The following STXBP5L variants were observed in gnomAD, a reference collection of about 807,000 sequenced individuals.
STXBP5L encodes syntaxin-binding protein 5-like.
In STXBP5L, 65 loss-of-function variants were observed where a neutral mutation model predicts 144.5. The observed-to-expected ratio is 0.45, with a 90% CI of 0.37 to 0.55. The LOEUF is 0.55. STXBP5L is among the 20% of genes least tolerant of loss of function. The probability of loss-of-function intolerance (pLI) is 0.00; values close to 1 mark genes in which losing one functional copy is unlikely to be tolerated. For missense variants in STXBP5L, 1,298 were observed against 1,405.5 expected, an observed-to-expected ratio of 0.92 and a Z score of 1.22; for synonymous variants, 505 against 469.6, an observed-to-expected ratio of 1.08 and a Z score of -0.97.
chr3:121,008,632 C>CAGTG (rs1356967693), intron 3 of STXBP5L, among the ~76,000 whole-genome samples: 1 of 152,106 alleles, frequency 6.6e-6, no homozygotes, highest in East Asian at 1.9e-4. Context: ...TGGTTCCTTA[C>CAGTG]AATGGTTTAA....
intron 5 of STXBP5L, among the ~76,000 whole-genome samples, chr3:121,091,119 T>A: frequency 6.7e-6 from 1 of 149,570 alleles, no homozygotes; most frequent in East Asian, 1.9e-4. Flanking sequence ...CATCATTTTT[T>A]ATGGCTGCAT....
At chr3:121,222,753 C>T (rs942877007) in intron 10 of STXBP5L, among the ~76,000 whole-genome samples, 3 of 152,152 alleles carry the variant, frequency 2.0e-5, no homozygotes, top group African/African-American at 7.2e-5. Flanking sequence ...AAGCTCACTG[C>T]CTTTCCCCAA....
intron 6 of STXBP5L, among the ~76,000 whole-genome samples, chr3:121,119,004 G>T (rs988213329): frequency 6.6e-6 from 1 of 151,436 alleles, no homozygotes; most frequent in East Asian, 1.9e-4. Context: ...AGAATTTACT[G>T]GGTTGTTAAA....
intron 3 of STXBP5L, among the ~76,000 whole-genome samples, chr3:120,985,064 G>A (rs1005444509): frequency 2.6e-5 from 4 of 151,934 alleles, no homozygotes; most frequent in African/African-American, 9.7e-5. Context: ...TGGTTTGCTA[G>A]TATTTTTCTG....
At chr3:121,161,673 T>A (rs73191417) in intron 9 of STXBP5L, among the ~76,000 whole-genome samples, 3 of 152,086 alleles carry the variant, frequency 2.0e-5, no homozygotes, top group Non-Finnish European at 4.4e-5. Flanking sequence ...CGATTTTTCC[T>A]ATTCAATGAT....
chr3:121,376,023 C>A (rs2046173342), intron 20 of STXBP5L, among the ~76,000 whole-genome samples: 1 of 152,172 alleles, frequency 6.6e-6, no homozygotes, highest in Non-Finnish European at 1.5e-5. Flanking sequence ...CTCACAAGGT[C>A]TAAATAAACA....
At chr3:121,291,960 A>G (rs1168684690) in intron 19 of STXBP5L, among the ~76,000 whole-genome samples, 1 of 152,246 alleles carries the variant, frequency 6.6e-6, no homozygotes, top group Non-Finnish European at 1.5e-5. Flanking sequence ...TTCTGAAGAT[A>G]ACATTGGAAA....
At chr3:121,018,165 A>G (rs1424869529) in intron 3 of STXBP5L, among the ~76,000 whole-genome samples, 1 of 152,210 alleles carries the variant, frequency 6.6e-6, no homozygotes, top group Non-Finnish European at 1.5e-5. Context: ...GTTCTTTCCA[A>G]CTTGATCTAT....
chr3:121,328,388 A>C (rs918297173), intron 20 of STXBP5L, among the ~76,000 whole-genome samples: 2 of 152,194 alleles, frequency 1.3e-5, no homozygotes, highest in Non-Finnish European at 2.9e-5. Flanking sequence ...TCTGAAATTA[A>C]GTAACTATTA....
At chr3:121,054,364 G>A (rs1250040450) in intron 5 of STXBP5L, among the ~76,000 whole-genome samples, 1 of 152,072 alleles carries the variant, frequency 6.6e-6, no homozygotes, top group East Asian at 1.9e-4. Context: ...ACGATAGACT[G>A]GATGAAGAAA....
At chr3:120,943,529 T>C (rs1221979652) in intron 2 of STXBP5L, among the ~76,000 whole-genome samples, 3 of 151,790 alleles carry the variant, frequency 2.0e-5, no homozygotes, top group African/African-American at 4.8e-5. Flanking sequence ...TACTTACATT[T>C]GTGGAATAAA....
chr3:121,086,934 A>G (rs903584314), intron 5 of STXBP5L, among the ~76,000 whole-genome samples: 1 of 152,046 alleles, frequency 6.6e-6, no homozygotes, highest in African/African-American at 2.4e-5. Flanking sequence ...CCCATTGTTA[A>G]GTGATGCATG....
intron 9 of STXBP5L, among the ~76,000 whole-genome samples, chr3:121,192,604 G>C (rs1275968224): frequency 1.3e-5 from 2 of 152,110 alleles, no homozygotes; most frequent in Admixed American, 1.3e-4. Context: ...AAACAGCATG[G>C]TACTGGTACC....
At chr3:121,358,664 C>T (rs1399137466) in intron 20 of STXBP5L, among the ~76,000 whole-genome samples, 1 of 152,116 alleles carries the variant, frequency 6.6e-6, no homozygotes, top group Non-Finnish European at 1.5e-5. Flanking sequence ...CAGAGCCAAA[C>T]CATATAAGCA....
In STXBP5L at chr3:121,419,877, G is replaced by A. The variant is rs898389627; in HGVS notation, c.*780G>A. ...CCATGCAGGGTTGGGTCACCTCAAAGCATTTTCTTCAGCCTGGCTTGTACT... is the reference window on the plus strand; with the variant it reads ...CCATGCAGGGTTGGGTCACCTCAAAACATTTTCTTCAGCCTGGCTTGTACT... On this transcript the variant is annotated 3_prime_UTR_variant, in exon 27 of 27. Coordinates refer to ENST00000471454, the MANE Select transcript of STXBP5L (RefSeq NM_001308330.2). 2 of 152,208 alleles carry A rather than the reference G, an allele frequency of 1.3e-5. No individual in the cohort carries two copies. The highest frequency in any genetic ancestry group is 4.8e-5 in the African/African-American group (2 of 41,454). 9.4% of individuals were successfully genotyped at this position (152,208 alleles called of 1,614,324 possible).
intron 3 of STXBP5L, among the ~76,000 whole-genome samples, chr3:120,958,300 T>C (rs1440595998): frequency 6.6e-6 from 1 of 151,842 alleles, no homozygotes; most frequent in African/African-American, 2.4e-5. Context: ...CAGGACCAGA[T>C]GGATTCACAG....
chr3:121,017,087 C>G (rs1480451581), intron 3 of STXBP5L, among the ~76,000 whole-genome samples: 1 of 152,100 alleles, frequency 6.6e-6, no homozygotes, highest in East Asian at 1.9e-4. Flanking sequence ...GAATTATACA[C>G]TATGACCAAG....
intron 6 of STXBP5L, among the ~76,000 whole-genome samples, chr3:121,117,906 A>G (rs1412744639): frequency 1.3e-5 from 2 of 151,826 alleles, no homozygotes; most frequent in Admixed American, 6.6e-5. Context: ...GAACTAAACT[A>G]TCATTAAAAA....
At chr3:121,140,010 G>A (rs2045430484) in intron 7 of STXBP5L, among the ~76,000 whole-genome samples, 1 of 152,030 alleles carries the variant, frequency 6.6e-6, no homozygotes, top group South Asian at 2.1e-4. Flanking sequence ...ATATGCACAT[G>A]TGGAAGAATG....
Sources: allele counts gnomAD v4.1 joint callset (sites outside exome capture counted in the v4.1 genomes callset), GRCh38; gene constraint gnomAD v4.1.1; transcripts MANE v1.5; gene names NCBI Gene and HGNC (gene_info 2026-07-23, HGNC 2026-07-21).